Variants in SVEP1 observed in about 807,000 individuals in gnomAD.
SVEP1 encodes sushi, von Willebrand factor type A, EGF and pentraxin domain-containing protein 1.
In SVEP1, 164 loss-of-function variants were observed where a neutral mutation model predicts 367.3. That is an observed-to-expected ratio of 0.45 (90% CI 0.39 to 0.51). SVEP1 has a LOEUF of 0.51. Among genes scored for constraint, SVEP1 ranks in the 20% least tolerant of loss-of-function variants. SVEP1 has a pLI of 0.00. For synonymous variants in SVEP1, 1,666 were observed against 1,611.6 expected (o/e 1.03, Z -0.81); for missense variants, 4,117 against 4,425.3 (o/e 0.93, Z 1.98).
At chr9:110,366,581 AACCAAATAGATTCAAAAG>A in intron 47 of SVEP1, 21 bp from the exon 48 acceptor site, 1 of 1,506,970 alleles carries the variant, frequency 6.6e-7, no homozygotes, top group Non-Finnish European at 8.9e-7. Context: ...AAAAAAAAGC[AACCAAATAGATTCAAAAG>A]AAAAAATTGA....
intron 36 of SVEP1, among the ~76,000 whole-genome samples, chr9:110,423,155 T>TAAAAAAAAAAAAAAAAAA (rs1181321402): frequency 1.8e-5 from 1 of 56,520 alleles, no homozygotes; most frequent in Non-Finnish European, 3.8e-5. Context: ...AATAAAAAAA[T>TAAAAAAAAAAAAAAAAAA]AAAAAAATAA....
In SVEP1 at chr9:110,401,047, A is replaced by G. The variant is rs1037510209; in HGVS notation, c.9667-38T>C. ...TAACAAAATGTAAGTTATGTTTAGA[A>G]GTTAATACATATGAATGAAGAAATT... On this transcript the variant is annotated intron_variant, in intron 39 of 47. Coordinates refer to ENST00000374469, the MANE Select transcript of SVEP1 (RefSeq NM_153366.4). 9 of 1,605,236 alleles carry G rather than the reference A, an allele frequency of 5.6e-6. No homozygotes were observed. In the African/African-American group the frequency reaches 8.1e-5, roughly 14 times the overall value.
chr9:110,559,961 T>C (rs1001174177), intron 1 of SVEP1, among the ~76,000 whole-genome samples: 1 of 152,156 alleles, frequency 6.6e-6, no homozygotes, highest in Admixed American at 6.5e-5. Context: ...TTAGTGTGCA[T>C]GTATGTGGAA....
At chr9:110,527,840 A>G (rs767431470) in intron 3 of SVEP1, among the ~76,000 whole-genome samples, 1 of 151,584 alleles carries the variant, frequency 6.6e-6, no homozygotes, top group South Asian at 2.1e-4. Context: ...AGGTTTTTTT[A>G]TCCCTCACTC....
At chr9:110,515,870 T>A (rs1442647425) in intron 3 of SVEP1, among the ~76,000 whole-genome samples, 2 of 152,074 alleles carry the variant, frequency 1.3e-5, no homozygotes, top group African/African-American at 2.4e-5. Context: ...TATTAACTTG[T>A]TAACTTCCTA....
chr9:110,407,190 C>T lies in SVEP1; in HGVS notation c.8410G>A (p.Gly2804Arg), dbSNP rs371902319. The T allele has an allele frequency of 5.6e-6, 9 of 1,613,980 alleles. No homozygotes were observed. Among genetic ancestry groups the T allele is most frequent in the Middle Eastern group, 3.3e-4 (2 of 6,062 alleles). Residue 2804 changes from glycine (G) to arginine (R), a missense_variant, in exon 38 of 48, where the codon GGA becomes AGA. Coordinates refer to ENST00000374469, the MANE Select transcript of SVEP1 (RefSeq NM_153366.4). ...LSTLYYECDP[G>R]YVLNGTERRT... The stretch of plus-strand genomic sequence containing the variant: ...CTCTCAGTGCCATTCAGCACATATC[C>T]GGGGTCACACTCATAGTACAACGTG...
At chr9:110,562,058 G>C (rs780606985) in intron 1 of SVEP1, among the ~76,000 whole-genome samples, 4 of 151,870 alleles carry the variant, frequency 2.6e-5, no homozygotes, top group Non-Finnish European at 5.9e-5. Context: ...TTTTGAAATG[G>C]ACCCATAGGG....
rs947336601 is a variant in SVEP1, at chr9:110,489,768, G to A, written c.1812C>T (p.His604=). ...KDNSGEKVSV[H]VHPAFTPPYL... is the part of the protein sequence containing the mutation. ...AAGGTGGGGTGAAAGCTGGATGAAC[G>A]TGGACTGACACCTATTGGAGATACA... is the stretch of plus-strand genomic sequence containing the variant. The change falls in exon 9 of 48, where the codon CAC becomes CAT. Residue 604 remains histidine (H), a synonymous_variant. Transcript: ENST00000374469. 7 of 1,612,636 alleles carry A rather than the reference G, an allele frequency of 4.3e-6. No homozygotes were observed. The highest frequency in any genetic ancestry group is 4.5e-5 in the East Asian group (2 of 44,840).
At chr9:110,397,450 C>G (rs1827782207) in intron 40 of SVEP1, among the ~76,000 whole-genome samples, 1 of 152,178 alleles carries the variant, frequency 6.6e-6, no homozygotes. Flanking sequence ...GGGATGCCCT[C>G]TCTCACCACT....
Position 110,407,824 on chromosome 9 carries a change from G to T in SVEP1, c.7776C>A (p.Ala2592=). 6.2e-7 allele frequency: 1 copy of T among 1,613,994 alleles called. No homozygotes were observed. The highest frequency in any genetic ancestry group is 1.3e-5 in the African/African-American group (1 of 75,044). Residue 2592 remains alanine (A), a synonymous_variant, in exon 38 of 48, where the codon GCC becomes GCA. Transcript: ENST00000374469. The part of the protein sequence containing the change: ...CFPGFQVAGH[A]MQTCEESGWS... ...ATCCTGACTCTTCACAGGTCTGCAT[G>T]GCATGACCAGCCACCTGAAACCCAG...
Position 110,482,491 on chromosome 9 carries a change from C to A in SVEP1, c.2040G>T (p.Gly680=). 3 of 1,565,020 alleles carry A rather than the reference C, an allele frequency of 1.9e-6. No individual in the cohort carries two copies. Among genetic ancestry groups the A allele is most frequent in the Non-Finnish European group, 2.6e-6 (3 of 1,153,852 alleles). Residue 680 remains glycine, a splice_region_variant and synonymous_variant, in exon 11 of 48, where the codon GGG becomes GGT. Coordinates refer to ENST00000374469, the MANE Select transcript of SVEP1 (RefSeq NM_153366.4). ...GACTTCTGGTAATGACCAATTCAGCCCCTGGAAAGGAAAGAAGGCAGCCAA... is the reference window on the plus strand; with the variant it reads ...GACTTCTGGTAATGACCAATTCAGCACCTGGAAAGGAAAGAAGGCAGCCAA... ...WDEPQFSDNS[G]AELVITRSHT... is the part of the protein sequence containing the mutation.
At chr9:110,496,138 G>A (rs149984023) in intron 8 of SVEP1, among the ~76,000 whole-genome samples, 4 of 152,274 alleles carry the variant, frequency 2.6e-5, no homozygotes, top group South Asian at 2.1e-4. Context: ...GTCAGATGCC[G>A]CATTCACATT....
At chr9:110,375,613 G>C in intron 45 of SVEP1, 150 bp from the exon 46 acceptor site, 1 of 650,986 alleles carries the variant, frequency 1.5e-6, no homozygotes, top group Middle Eastern at 4.3e-4. Context: ...TCCTGCATGT[G>C]TTCTGCTTAT....
At chr9:110,559,570 T>C (rs1404834653) in intron 1 of SVEP1, among the ~76,000 whole-genome samples, 3 of 152,038 alleles carry the variant, frequency 2.0e-5, no homozygotes, top group African/African-American at 7.2e-5. Flanking sequence ...AATTTCAAAA[T>C]TGCAAAATAC....
At chr9:110,516,266 AT>A (rs1447250124) in intron 3 of SVEP1, among the ~76,000 whole-genome samples, 3 of 151,218 alleles carry the variant, frequency 2.0e-5, no homozygotes, top group Admixed American at 6.6e-5. Context: ...TACTAAAAAA[AT>A]CATATTGAAA....
intron 45 of SVEP1, among the ~76,000 whole-genome samples, chr9:110,376,276 C>G (rs1330062641): frequency 1.6e-5 from 2 of 125,784 alleles, no homozygotes; most frequent in Admixed American, 7.9e-5. Flanking sequence ...GTGAGCCAGA[C>G]CAGCTAAGGC....
In SVEP1 at chr9:110,458,547, A is replaced by C; in HGVS notation, c.3500T>G (p.Phe1167Cys). The C allele has an allele frequency of 6.2e-7, 1 of 1,611,470 alleles. No homozygotes were observed. Among genetic ancestry groups the C allele is most frequent in the Non-Finnish European group, 8.5e-7 (1 of 1,178,932 alleles). The change falls in exon 20 of 48, where the codon TTC becomes TGC. Residue 1167 changes from phenylalanine (F) to cysteine (C), a missense_variant. Coordinates refer to ENST00000374469, the MANE Select transcript of SVEP1 (RefSeq NM_153366.4). The part of the protein sequence containing the change: ...ITECSSFSST[F>C]SAAEESVVPP... The stretch of plus-strand genomic sequence containing the variant: ...CACCACACTTTCCTCTGCCGCTGAG[A>C]AAGTTGAACTAAAACCTAATCAATT...
At position 110,406,258 on chromosome 9, in the gene SVEP1, A is replaced by G. The variant is rs752675299; in HGVS notation, c.9342T>C (p.Tyr3114=). The G allele has an allele frequency of 6.2e-7, 1 of 1,614,024 alleles. No homozygotes were observed. The highest frequency in any genetic ancestry group is 1.3e-5 in the African/African-American group (1 of 75,058). ...CTEKGVWSQP[Y]PVCEPLSCGS... ...CACAGGACAAGGGCTCACAGACTGG[A>G]TAAGGCTGGCTCCATACCCCTTTCT... is the stretch of plus-strand genomic sequence containing the variant. Residue 3114 remains tyrosine, a synonymous_variant, in exon 38 of 48, where the codon TAT becomes TAC. Transcript: ENST00000374469.
chr9:110,448,327 G>A (rs1203555479), intron 24 of SVEP1, among the ~76,000 whole-genome samples: 2 of 152,170 alleles, frequency 1.3e-5, no homozygotes, highest in Non-Finnish European at 2.9e-5. Flanking sequence ...GTAATTTTCC[G>A]TGTGACTGAA....
Sources: gnomAD v4.1 joint callset for allele counts (sites outside exome capture counted in the v4.1 genomes callset) on GRCh38, gnomAD v4.1.1 for gene constraint, MANE v1.5 for transcripts, NCBI Gene and HGNC (gene_info 2026-07-23, HGNC 2026-07-21) for gene names.